The following CHODL variants were observed in gnomAD, a reference collection of about 807,000 sequenced individuals.
CHODL encodes chondrolectin.
CHODL carries 29 observed loss-of-function variants against 34.5 expected under a neutral mutation model. The observed-to-expected ratio is 0.84, with a 90% CI of 0.63 to 1.15. The LOEUF is 1.15. Among genes scored for constraint, CHODL ranks in the 50% most tolerant of loss-of-function variants. CHODL has a pLI of 0.00. For synonymous variants in CHODL, 125 were observed against 116.1 expected, an observed-to-expected ratio of 1.08 and a Z score of -0.49; for missense variants, 332 against 332.5, an observed-to-expected ratio of 1.00 and a Z score of 0.01.
chr21:18,241,288 A>T (rs1488120191), upstream of CHODL, among the ~76,000 whole-genome samples: 2 of 152,142 alleles, frequency 1.3e-5, no homozygotes, highest in Non-Finnish European at 2.9e-5. Flanking sequence ...TGAAGTGGTT[A>T]TATAGTAATG....
intron 1 of CHODL, among the ~76,000 whole-genome samples, chr21:17,953,680 A>C (rs1051573111): frequency 6.6e-6 from 1 of 152,306 alleles, no homozygotes; most frequent in South Asian, 2.1e-4. Context: ...ATAGAGATAG[A>C]GATTAAACAA....
intron 2 of CHODL, among the ~76,000 whole-genome samples, chr21:18,131,932 T>C (rs2072659660): frequency 6.6e-6 from 1 of 152,208 alleles, no homozygotes; most frequent in South Asian, 2.1e-4. Flanking sequence ...TTTTTCCTAA[T>C]TCTTTACCTT....
chr21:18,199,617 C>T (rs1419190012), intron 2 of CHODL, among the ~76,000 whole-genome samples: 1 of 152,024 alleles, frequency 6.6e-6, no homozygotes, highest in Non-Finnish European at 1.5e-5. Flanking sequence ...CCTATTTATC[C>T]ATCCTCTCCT....
intron 2 of CHODL, among the ~76,000 whole-genome samples, chr21:18,239,637 C>T (rs1400126758): frequency 6.6e-6 from 1 of 152,014 alleles, no homozygotes; most frequent in East Asian, 1.9e-4. Flanking sequence ...TACACCCTTT[C>T]CCTTTTAGTA....
rs1249521832 is a variant in CHODL, at chr21:18,267,102, T to TATC, written c.*1066_*1068dup. The TATC allele has an allele frequency of 6.6e-6, 1 of 152,200 alleles. No individual in the cohort carries two copies. Among genetic ancestry groups the TATC allele is most frequent in the Non-Finnish European group, 1.5e-5 (1 of 68,048 alleles). 9.4% of individuals were successfully genotyped at this position (152,200 alleles called of 1,614,324 possible). ...TGGTTGAGACCAGGTGAATAGTCAC[T>TATC]ATCAGTGTGGAGACAAGCACAGCAC... On this transcript the variant is annotated 3_prime_UTR_variant, in exon 6 of 6. Coordinates refer to ENST00000299295, the MANE Select transcript of CHODL (RefSeq NM_024944.3).
intron 1 of CHODL, among the ~76,000 whole-genome samples, chr21:17,974,445 G>C (rs924187880): frequency 6.6e-6 from 1 of 151,970 alleles, no homozygotes; most frequent in African/African-American, 2.4e-5. Context: ...GCTGATTTTT[G>C]TATTTTTAGT....
chr21:18,040,539 T>G (rs1279846705), intron 2 of CHODL, among the ~76,000 whole-genome samples: 5 of 151,890 alleles, frequency 3.3e-5, no homozygotes, highest in Admixed American at 3.3e-4. Flanking sequence ...TAGGCCTTAG[T>G]GTCTTCAATA....
chr21:18,183,935 A>G (rs184827734), intron 2 of CHODL, among the ~76,000 whole-genome samples: 223 of 152,300 alleles, frequency 1.5e-3, no homozygotes, highest in Non-Finnish European at 2.2e-3. Flanking sequence ...TTTAGCCTGA[A>G]AACACATTCC....
chr21:17,945,818 A>G lies in CHODL; in HGVS notation c.-145+28418A>G, dbSNP rs187649585. On this transcript the variant is annotated intron_variant, in intron 1 of 6. Transcript: ENST00000400127. ...ACATCTAATAATCAAACTATCAAAAATTAAAGACTAATAACAAATTCTAAA... is the reference window on the plus strand; with the variant it reads ...ACATCTAATAATCAAACTATCAAAAGTTAAAGACTAATAACAAATTCTAAA... Among the ~76,000 whole-genome samples the G allele has an allele frequency of 6.9e-3, 1,053 of 152,334 alleles. 14 individuals are homozygous for G. Among genetic ancestry groups the G allele is most frequent in the African/African-American group, 0.024 (1,002 of 41,570 alleles).
At position 18,174,123 on chromosome 21, in the gene CHODL, GTATATATA is replaced by G. The variant is rs1159511070; in HGVS notation, c.-44-82355_-44-82348del. On this transcript the variant is annotated intron_variant, in intron 2 of 6. Coordinates refer to the CHODL transcript ENST00000400127. ...GATATATATATATATATATCTTGGT[GTATATATA>G]TATATATATATATATATATATATAT... Among the ~76,000 whole-genome samples the G allele has an allele frequency of 1.4e-4, 3 of 21,558 alleles. 1 individual carries two copies. Among genetic ancestry groups the G allele is most frequent in the South Asian group, 2.8e-3 (2 of 720 alleles). The allele number at this position is 21,558 out of a possible 152,430, so 14.1% of individuals were successfully genotyped here.
At chr21:17,994,899 G>A (rs1009034447) in intron 1 of CHODL, among the ~76,000 whole-genome samples, 3 of 152,166 alleles carry the variant, frequency 2.0e-5, no homozygotes, top group Admixed American at 6.5e-5. Context: ...GGGGTTACTG[G>A]AGTAGGTGGG....
chr21:17,929,250 G>A (rs1479155275), intron 1 of CHODL, among the ~76,000 whole-genome samples: 1 of 152,136 alleles, frequency 6.6e-6, no homozygotes, highest in Non-Finnish European at 1.5e-5. Flanking sequence ...TTCATGATGT[G>A]AATATCATCA....
intron 1 of CHODL, among the ~76,000 whole-genome samples, chr21:18,011,129 T>G (rs536818784): frequency 1.7e-4 from 26 of 152,162 alleles, no homozygotes; most frequent in Non-Finnish European, 3.7e-4. Flanking sequence ...GGGGCAAGTG[T>G]ATGGTAGTAA....
At chr21:18,156,569 C>T (rs2073037163) in intron 2 of CHODL, among the ~76,000 whole-genome samples, 1 of 152,138 alleles carries the variant, frequency 6.6e-6, no homozygotes, top group Non-Finnish European at 1.5e-5. Context: ...AGTCTACTTT[C>T]TGGGTCAATA....
At chr21:18,208,768 G>A (rs1348684868) in intron 2 of CHODL, among the ~76,000 whole-genome samples, 1 of 152,018 alleles carries the variant, frequency 6.6e-6, no homozygotes, top group African/African-American at 2.4e-5. Flanking sequence ...TACAAATTTG[G>A]TTGTCTTTGG....
intron 2 of CHODL, among the ~76,000 whole-genome samples, chr21:18,153,177 T>G (rs2072992223): frequency 6.6e-6 from 1 of 152,210 alleles, no homozygotes; most frequent in South Asian, 2.1e-4. Context: ...TTAGCTCAGC[T>G]GATTTTCTGC....
intron 2 of CHODL, among the ~76,000 whole-genome samples, chr21:18,088,161 C>A (rs1421014702): frequency 1.3e-5 from 2 of 152,136 alleles, no homozygotes; most frequent in Admixed American, 1.3e-4. Flanking sequence ...GTGACACGAG[C>A]CAAACCATAT....
intron 2 of CHODL, among the ~76,000 whole-genome samples, chr21:18,062,343 A>G (rs11701932): frequency 0.46 from 69,322 of 151,870 alleles, 16,592 homozygotes; most frequent in Middle Eastern, 0.53. Context: ...TGAGTACCCG[A>G]GATTACAGGT....
chr21:18,128,041 T>C (rs205692), intron 2 of CHODL, among the ~76,000 whole-genome samples: 94,615 of 151,546 alleles, frequency 0.62, 31,683 homozygotes, highest in East Asian at 0.89. Context: ...TGGCTCATGC[T>C]TGTAATCCCA....
Sources: gnomAD v4.1 joint callset for allele counts (sites outside exome capture counted in the v4.1 genomes callset) on GRCh38, gnomAD v4.1.1 for gene constraint, MANE v1.5 for transcripts, NCBI Gene and HGNC (gene_info 2026-07-23, HGNC 2026-07-21) for gene names.